The following POU6F2 variants were observed in gnomAD, a reference collection of about 807,000 sequenced individuals.
The protein encoded by POU6F2 is POU class 6 homeobox 2.
POU6F2 carries 31 observed loss-of-function variants against 71.3 expected under a neutral mutation model. The observed-to-expected ratio is 0.43, with a 90% confidence interval of 0.33 to 0.59. The LOEUF is 0.59. Ranked by LOEUF, POU6F2 falls within the 20% of genes least tolerant of loss-of-function variation. The pLI is 0.04. For synonymous variants in POU6F2, 347 were observed against 355.7 expected (o/e 0.98, Z 0.27); for missense variants, 783 against 856.8 (o/e 0.91, Z 1.07).
chr7:39,279,962 G>A (rs1784530403), intron 4 of POU6F2, among the ~76,000 whole-genome samples: 1 of 151,994 alleles, frequency 6.6e-6, no homozygotes. Flanking sequence ...GGCCAGGCTG[G>A]TCTCGAACTC....
intron 1 of POU6F2, among the ~76,000 whole-genome samples, chr7:39,038,370 A>G (rs144879220): frequency 5.3e-5 from 8 of 152,214 alleles, no homozygotes; most frequent in South Asian, 4.1e-4. Flanking sequence ...ACTCCTATGA[A>G]CATTTAAGGC....
chr7:39,451,739 C>A, intron 8 of POU6F2, 38 bp downstream of exon 8: 1 of 1,528,752 alleles, frequency 6.5e-7, no homozygotes, highest in Non-Finnish European at 8.9e-7. Flanking sequence ...ATCGTGGTGG[C>A]CTTCTTGTTG....
chr7:39,237,213 G>T (rs779035931), intron 4 of POU6F2, among the ~76,000 whole-genome samples: 3 of 152,174 alleles, frequency 2.0e-5, no homozygotes, highest in Non-Finnish European at 4.4e-5. Context: ...AGCTCTAAGC[G>T]TGTGCTTGGA....
At chr7:39,233,073 A>C (rs754700494) in intron 4 of POU6F2, among the ~76,000 whole-genome samples, 1 of 152,184 alleles carries the variant, frequency 6.6e-6, no homozygotes. Context: ...TTTATTAATT[A>C]ATTCATTTAT....
intron 4 of POU6F2, among the ~76,000 whole-genome samples, chr7:39,236,540 C>T (rs945534591): frequency 3.3e-5 from 5 of 152,106 alleles, no homozygotes; most frequent in Non-Finnish European, 5.9e-5. Context: ...CACACCTTGT[C>T]CGCATCTTGA....
chr7:39,286,176 A>G (rs1157425207), intron 4 of POU6F2, among the ~76,000 whole-genome samples: 2 of 152,162 alleles, frequency 1.3e-5, no homozygotes, highest in African/African-American at 2.4e-5. Flanking sequence ...AATGATTTAT[A>G]CGGTCATACA....
Position 39,403,796 on chromosome 7 carries a change from CAG to C in POU6F2, c.973-2802_973-2801del, listed in dbSNP as rs1296048392. Among the ~76,000 whole-genome samples, 4 of 152,198 alleles carry C rather than the reference CAG, an allele frequency of 2.6e-5. No individual in the cohort carries two copies. In the East Asian group the frequency reaches 5.8e-4, roughly 22 times the overall value. On this transcript the variant is annotated intron_variant, in intron 5 of 9. Coordinates refer to ENST00000518318, the MANE Select transcript of POU6F2 (RefSeq NM_001370959.1). The stretch of plus-strand genomic sequence containing the variant: ...TATTACATCCCTGCCTTGGCAGTCA[CAG>C]ACAGAGAAGCCAAAAGATATGTATG...
intron 4 of POU6F2, among the ~76,000 whole-genome samples, chr7:39,258,712 AAAGAAG>A (rs201493576): frequency 9.2e-5 from 14 of 151,718 alleles, no homozygotes; most frequent in Admixed American, 6.6e-5. Context: ...AAAAAAAAAA[AAAGAAG>A]AAGAAGAAGA....
At chr7:39,340,204 A>C (rs1157593534) in intron 5 of POU6F2, among the ~76,000 whole-genome samples, 189 bp downstream of exon 5, 3 of 152,232 alleles carry the variant, frequency 2.0e-5, no homozygotes, top group Non-Finnish European at 4.4e-5. Context: ...CATGTAAACG[A>C]AACAAATAGA....
intron 1 of POU6F2, among the ~76,000 whole-genome samples, chr7:39,039,427 G>A (rs1411334015): frequency 6.6e-6 from 1 of 151,824 alleles, no homozygotes; most frequent in Non-Finnish European, 1.5e-5. Flanking sequence ...ATTTTATGAA[G>A]TACAGGTGAG....
intron 2 of POU6F2, among the ~76,000 whole-genome samples, chr7:39,123,631 A>T (rs1312519648): frequency 6.6e-6 from 1 of 152,334 alleles, no homozygotes; most frequent in East Asian, 1.9e-4. Flanking sequence ...GCCAGGATTT[A>T]AAATACACTA....
chr7:39,056,660 C>G (rs866581357), intron 1 of POU6F2, among the ~76,000 whole-genome samples: 1,640 of 98,882 alleles, frequency 0.017, 36 homozygotes, highest in African/African-American at 0.057. Context: ...CTCTCTCTCT[C>G]TCTGTGTGTG....
At chr7:39,436,243 T>C (rs1203820731) in intron 7 of POU6F2, among the ~76,000 whole-genome samples, 1 of 152,222 alleles carries the variant, frequency 6.6e-6, no homozygotes, top group African/African-American at 2.4e-5. Flanking sequence ...TATTGATTCT[T>C]CCTATCCAAA....
intron 6 of POU6F2, among the ~76,000 whole-genome samples, chr7:39,424,038 A>G (rs976918770): frequency 2.0e-5 from 3 of 152,240 alleles, no homozygotes; most frequent in Non-Finnish European, 4.4e-5. Flanking sequence ...CAGTGCCAGC[A>G]GATTCAGTGT....
intron 2 of POU6F2, among the ~76,000 whole-genome samples, chr7:39,137,357 A>G (rs1792408545): frequency 6.6e-6 from 1 of 152,332 alleles, no homozygotes; most frequent in Non-Finnish European, 1.5e-5. Context: ...GGACATGTCA[A>G]ATAAATTACA....
chr7:39,015,690 C>G (rs1309609652), intron 1 of POU6F2, among the ~76,000 whole-genome samples: 1 of 9,062 alleles, frequency 1.1e-4, no homozygotes, highest in African/African-American at 2.1e-4. Context: ...TGTTATATAT[C>G]TATATATTAT....
intron 2 of POU6F2, among the ~76,000 whole-genome samples, chr7:39,091,992 G>C (rs1034848895): frequency 3.9e-5 from 6 of 152,218 alleles, no homozygotes; most frequent in Non-Finnish European, 8.8e-5. Context: ...AGGAAGGGTA[G>C]AAGGTTCAGT....
At chr7:39,305,228 A>G (rs1202691733) in intron 4 of POU6F2, among the ~76,000 whole-genome samples, 1 of 152,210 alleles carries the variant, frequency 6.6e-6, no homozygotes, top group Non-Finnish European at 1.5e-5. Context: ...TCATTTCCTC[A>G]TTTTACTCTT....
chr7:39,456,109 T>C (rs1395471192), intron 8 of POU6F2, among the ~76,000 whole-genome samples: 15 of 152,182 alleles, frequency 9.9e-5, no homozygotes, highest in Admixed American at 9.8e-4. Flanking sequence ...CTATAAAAGA[T>C]GTCATTTCCT....
Sources: gnomAD v4.1 joint callset for allele counts (sites outside exome capture counted in the v4.1 genomes callset) on GRCh38, gnomAD v4.1.1 for gene constraint, MANE v1.5 for transcripts, NCBI Gene and HGNC (gene_info 2026-07-23, HGNC 2026-07-21) for gene names.